The following TMEM154 variants were observed in gnomAD, a reference collection of about 807,000 sequenced individuals.
TMEM154 encodes the protein transmembrane protein 154.
Under a neutral mutation model 24.5 loss-of-function variants are expected in TMEM154, and 27 were observed. The observed-to-expected ratio is 1.10, with a 90% CI of 0.81 to 1.52. The LOEUF is 1.52. TMEM154 is among the 40% of genes most tolerant of loss of function. TMEM154 has a pLI of 0.00. For missense variants in TMEM154, 228 were observed against 213.4 expected, an observed-to-expected ratio of 1.07 and a Z score of -0.43; for synonymous variants, 67 against 76.8, an observed-to-expected ratio of 0.87 and a Z score of 0.67.
chr4:152,630,142 C>A (rs1358819345), intron 6 of TMEM154, among the ~76,000 whole-genome samples: 1 of 151,578 alleles, frequency 6.6e-6, no homozygotes, highest in Non-Finnish European at 1.5e-5. Flanking sequence ...AGTGAGACCC[C>A]ATCTCCATAA....
chr4:152,659,064 G>A (rs971070364), intron 1 of TMEM154, among the ~76,000 whole-genome samples: 4 of 152,092 alleles, frequency 2.6e-5, no homozygotes, highest in African/African-American at 7.2e-5. Context: ...TTGCACTCGC[G>A]TGTTCATTGC....
rs200601350 is a variant in TMEM154 at position 152,679,864 on chromosome 4, G to T, written c.64+6C>A. 6.2e-7 allele frequency: 1 copy of T among 1,605,772 alleles called. No homozygotes were observed. On this transcript the variant is annotated splice_donor_region_variant and intron_variant, in intron 1 of 6. Transcript: ENST00000304385. ...TTCCCAGGAGTAGGAAGTGGAGGCG[G>T]CTTACCCCGGCCGACGGGAACGAGC... is the stretch of plus-strand genomic sequence containing the variant.
intron 1 of TMEM154, among the ~76,000 whole-genome samples, chr4:152,656,625 G>A (rs553052667): frequency 1.9e-4 from 29 of 152,228 alleles, no homozygotes; most frequent in Non-Finnish European, 3.1e-4. Context: ...CCTCCCCTAT[G>A]AAAGTAAATT....
At chr4:152,631,511 G>T (rs2149777631) in intron 6 of TMEM154, among the ~76,000 whole-genome samples, 1 of 152,148 alleles carries the variant, frequency 6.6e-6, no homozygotes, top group East Asian at 1.9e-4. Flanking sequence ...TTAGCTCACT[G>T]CAGCCTCGAC....
chr4:152,656,117 C>A (rs757403999), intron 1 of TMEM154, among the ~76,000 whole-genome samples: 1 of 152,254 alleles, frequency 6.6e-6, no homozygotes, highest in South Asian at 2.1e-4. Context: ...CAGCTACAGG[C>A]CTGGGGACTG....
chr4:152,648,354 G>T (rs6535856), intron 3 of TMEM154, among the ~76,000 whole-genome samples: 1 of 151,246 alleles, frequency 6.6e-6, no homozygotes, highest in South Asian at 2.1e-4. Flanking sequence ...AACTACTCAG[G>T]CATGGTGGCA....
At chr4:152,641,510 T>C (rs1272697199) in intron 5 of TMEM154, 1 of 152,360 alleles carries the variant, frequency 6.6e-6, no homozygotes, top group Non-Finnish European at 1.5e-5. Context: ...TCAGCTTTAG[T>C]TGTCAAATAG....
Position 152,627,810 on chromosome 4 carries a change from G to T in TMEM154, c.*736C>A, listed in dbSNP as rs1751943926. ...TTTGCAGAAATGCTGACAAGCAAGG[G>T]AATTTCAGCTGAGGAGAACATTAGT... On this transcript the variant is annotated 3_prime_UTR_variant, in exon 7 of 7. Transcript: ENST00000304385. The T allele has an allele frequency of 6.6e-6, 1 of 152,228 alleles. No individual in the cohort carries two copies. The highest frequency in any genetic ancestry group is 1.5e-5 in the Non-Finnish European group (1 of 68,070). 9.4% of individuals were successfully genotyped at this position (152,228 alleles called of 1,614,324 possible).
intron 3 of TMEM154, chr4:152,646,984 C>T (rs1252967636): frequency 5.6e-6 from 4 of 709,708 alleles, no homozygotes; most frequent in African/African-American, 1.7e-5. Flanking sequence ...AAATTTCATA[C>T]CAGGAGGTCT....
intron 3 of TMEM154, chr4:152,646,988 G>A (rs1475074589): frequency 1.4e-6 from 1 of 709,586 alleles, no homozygotes; most frequent in South Asian, 1.5e-5. Flanking sequence ...TTCATACCAG[G>A]AGGTCTAGGA....
Position 152,624,844 on chromosome 4 carries a change from G to A in TMEM154, c.*3702C>T, listed in dbSNP as rs1035556277. 2 of 152,264 alleles carry A rather than the reference G, an allele frequency of 1.3e-5. No homozygotes were observed. Among genetic ancestry groups the A allele is most frequent in the Non-Finnish European group, 2.9e-5 (2 of 68,046 alleles). The allele number at this position is 152,264 out of a possible 1,614,324, so 9.4% of individuals were successfully genotyped here. On this transcript the variant is annotated 3_prime_UTR_variant, in exon 7 of 7. Transcript: ENST00000304385. ...TAGCAGAAATGCTGCTATATGTGAA[G>A]TTGTTCTGGACTGCCTGTTATAGCT...
chr4:152,679,997 T>G lies in TMEM154; in HGVS notation c.-64A>C. 1 of 1,473,874 alleles carries G rather than the reference T, an allele frequency of 6.8e-7. No homozygotes were observed. Among genetic ancestry groups the G allele is most frequent in the Non-Finnish European group, 9.3e-7 (1 of 1,070,738 alleles). 91.3% of individuals were successfully genotyped at this position (1,473,874 alleles called of 1,614,324 possible). ...GCCGGGCTGCAGCCTCTCTGAAACG[T>G]GAACATTTCCTGTTTCCTGCTTGTT... On this transcript the variant is annotated 5_prime_UTR_variant, in exon 1 of 7. Transcript: ENST00000304385.
intron 3 of TMEM154, among the ~76,000 whole-genome samples, chr4:152,645,488 T>C (rs2149781778): frequency 6.6e-6 from 1 of 152,342 alleles, no homozygotes; most frequent in East Asian, 1.9e-4. Flanking sequence ...CCCTGTTTCA[T>C]TTGGCAGGAG....
chr4:152,662,687 A>G (rs573656353), intron 1 of TMEM154, among the ~76,000 whole-genome samples: 14 of 152,204 alleles, frequency 9.2e-5, no homozygotes, highest in African/African-American at 2.9e-4. Context: ...GGGGCCCCCT[A>G]AAACCACTGT....
chr4:152,630,740 CAAAT>C (rs1316688280), intron 6 of TMEM154, among the ~76,000 whole-genome samples: 3 of 152,214 alleles, frequency 2.0e-5, no homozygotes, highest in Admixed American at 1.3e-4. Flanking sequence ...ATAGAAAACA[CAAAT>C]AAGCAAAACA....
At chr4:152,667,717 G>C (rs919770186) in intron 1 of TMEM154, among the ~76,000 whole-genome samples, 2 of 152,248 alleles carry the variant, frequency 1.3e-5, no homozygotes, top group Admixed American at 6.5e-5. Context: ...AGGTATTTGA[G>C]ATCATCAAGC....
chr4:152,619,429 T>TATTTGAGAAGAACAA lies in TMEM154; in HGVS notation c.*9116_*9117insTTGTTCTTCTCAAAT, dbSNP rs11269719. 0.86 allele frequency: 130,702 copies of TATTTGAGAAGAACAA among 152,096 alleles called. 57,307 individuals are homozygous for TATTTGAGAAGAACAA. Among genetic ancestry groups the TATTTGAGAAGAACAA allele is most frequent in the South Asian group, 0.93 (4,508 of 4,824 alleles). 9.4% of individuals were successfully genotyped at this position (152,096 alleles called of 1,614,324 possible). On this transcript the variant is annotated 3_prime_UTR_variant, in exon 7 of 7. Transcript: ENST00000304385. ...CCAACGGTGCCTGCAACAAATCCCTTATCCCACTTGCTCTTCTCATAATGT... is the reference window on the plus strand; with the variant it reads ...CCAACGGTGCCTGCAACAAATCCCTTATTTGAGAAGAACAAATCCCACTTGCTCTTCTCATAATGT...
chr4:152,679,369 C>T (rs954933105), intron 1 of TMEM154, among the ~76,000 whole-genome samples: 1 of 150,872 alleles, frequency 6.6e-6, no homozygotes, highest in African/African-American at 2.4e-5. Flanking sequence ...GATAATTTCC[C>T]GTTTCCTTTT....
chr4:152,638,052 C>T (rs1036920889), intron 6 of TMEM154, among the ~76,000 whole-genome samples: 12 of 152,202 alleles, frequency 7.9e-5, no homozygotes, highest in African/African-American at 2.9e-4. Context: ...TTGCTTGAGC[C>T]CAAAAGTTTG....
Sources: gnomAD v4.1 joint callset for allele counts (sites outside exome capture counted in the v4.1 genomes callset) on GRCh38, gnomAD v4.1.1 for gene constraint, MANE v1.5 for transcripts, NCBI Gene and HGNC (gene_info 2026-07-23, HGNC 2026-07-21) for gene names.